Variants in ATP11A observed in about 807,000 individuals in gnomAD.
ATP11A encodes the protein phospholipid-transporting ATPase IH.
A neutral mutation model predicts 154.4 loss-of-function variants in ATP11A; 81 were observed. The observed-to-expected ratio is 0.52, with a 90% CI of 0.44 to 0.63. ATP11A has a LOEUF of 0.63. ATP11A is among the 30% of genes least tolerant of loss of function. The pLI is 0.00. For synonymous variants in ATP11A, 623 were observed against 585.9 expected (o/e 1.06, Z -0.91); for missense variants, 1,316 against 1,474.3 (o/e 0.89, Z 1.76).
At chr13:112,803,073 G>A (rs1346150628) in intron 2 of ATP11A, among the ~76,000 whole-genome samples, 2 of 152,206 alleles carry the variant, frequency 1.3e-5, no homozygotes, top group Admixed American at 1.3e-4. Flanking sequence ...GAACTGGGGG[G>A]AGCCACTACT....
intron 1 of ATP11A, among the ~76,000 whole-genome samples, chr13:112,741,295 G>GGGGGCAC (rs1891517910): frequency 6.6e-6 from 1 of 151,722 alleles, no homozygotes; most frequent in Non-Finnish European, 1.5e-5. Flanking sequence ...TGGGGCAGGA[G>GGGGGCAC]CTGTAGTCGG....
intron 5 of ATP11A, 147 bp downstream of exon 5, chr13:112,810,873 C>T (rs2078474381): frequency 1.5e-6 from 1 of 681,700 alleles, no homozygotes. Flanking sequence ...AGTCGGAGGC[C>T]ACTCAGGAGG....
intron 2 of ATP11A, among the ~76,000 whole-genome samples, chr13:112,792,844 A>G (rs575349953): frequency 6.6e-6 from 1 of 152,332 alleles, no homozygotes; most frequent in African/African-American, 2.4e-5. Context: ...CACAGAATTC[A>G]CATGGTTCCC....
chr13:112,714,155 C>T (rs1478747122), intron 1 of ATP11A, among the ~76,000 whole-genome samples: 2 of 79,680 alleles, frequency 2.5e-5, no homozygotes, highest in East Asian at 3.9e-4. Flanking sequence ...TCCCACCCGG[C>T]TTCCTTTCCT....
chr13:112,751,687 AAAC>A (rs1168410490), intron 1 of ATP11A, among the ~76,000 whole-genome samples: 1 of 151,904 alleles, frequency 6.6e-6, no homozygotes, highest in East Asian at 1.9e-4. Context: ...ACAAAAAAAA[AAAC>A]AGACATTGGC....
intron 5 of ATP11A, chr13:112,812,031 A>G (rs1258845716): frequency 1.3e-5 from 2 of 152,220 alleles, no homozygotes; most frequent in Non-Finnish European, 2.9e-5. Flanking sequence ...CACCTCAAAC[A>G]TTGATTCTTT....
chr13:112,842,334 A>G lies in ATP11A; in HGVS notation c.1764A>G (p.Glu588=). 6.2e-7 allele frequency: 1 copy of G among 1,611,938 alleles called. No homozygotes were observed. The highest frequency in any genetic ancestry group is 1.1e-5 in the South Asian group (1 of 90,404). ...CTTCGATATTCCCCCGAGTGATAGA[A>G]GGCAAAGTTGACCAGATCCGAGCCA... ...ADSSIFPRVI[E]GKVDQIRARV... is the part of the protein sequence containing the mutation. Residue 588 remains glutamate, a synonymous_variant, in exon 17 of 30, where the codon GAA becomes GAG. Coordinates refer to ENST00000375645, the MANE Select transcript of ATP11A (RefSeq NM_015205.3).
Position 112,834,656 on chromosome 13 carries a change from G to A in ATP11A, c.1627G>A (p.Glu543Lys), listed in dbSNP as rs759070102. 3.1e-6 allele frequency: 5 copies of A among 1,612,618 alleles called. No individual in the cohort carries two copies. The highest frequency in any genetic ancestry group is 1.1e-5 in the South Asian group (1 of 91,028). The change falls in exon 15 of 30, where the codon GAA (glutamate) becomes AAA (lysine). Residue 543 changes from glutamate to lysine, a missense_variant. Glu to Lys is a moderately conservative substitution (Grantham distance 56). Transcript: ENST00000375645. ...GATATTAAACAGGGAGAACCACATCGAAAGGTATGTGCAGACCTCACCCTC... is the reference window on the plus strand; with the variant it reads ...GATATTAAACAGGGAGAACCACATCAAAAGGTATGTGCAGACCTCACCCTC... ...MEILNRENHI[E>K]RFELLEILSF...
intron 13 of ATP11A, among the ~76,000 whole-genome samples, chr13:112,832,158 A>T (rs1384952747): frequency 6.6e-6 from 1 of 152,226 alleles, no homozygotes; most frequent in Non-Finnish European, 1.5e-5. Flanking sequence ...ATGCACTCTC[A>T]CACACGCCCC....
At chr13:112,701,012 G>A (rs1182657005) in intron 1 of ATP11A, among the ~76,000 whole-genome samples, 2 of 152,240 alleles carry the variant, frequency 1.3e-5, no homozygotes, top group African/African-American at 2.4e-5. Context: ...TGGCTCAGCT[G>A]CTGAGGGATC....
At chr13:112,765,848 G>T (rs1440913323) in intron 1 of ATP11A, among the ~76,000 whole-genome samples, 2 of 152,248 alleles carry the variant, frequency 1.3e-5, no homozygotes, top group East Asian at 1.9e-4. Flanking sequence ...ACGATTTTCT[G>T]TAACGACCTC....
intron 1 of ATP11A, among the ~76,000 whole-genome samples, chr13:112,694,175 G>T (rs182371621): frequency 6.6e-6 from 1 of 152,354 alleles, no homozygotes; most frequent in East Asian, 1.9e-4. Flanking sequence ...CCTTGGGCAA[G>T]TGGCTTAATT....
chr13:112,745,228 C>A (rs1192330593), intron 1 of ATP11A, among the ~76,000 whole-genome samples: 1 of 152,182 alleles, frequency 6.6e-6, no homozygotes, highest in Non-Finnish European at 1.5e-5. Flanking sequence ...CCACGCCTGG[C>A]TAATTTTTGT....
At chr13:112,765,781 T>G (rs2077061192) in intron 1 of ATP11A, among the ~76,000 whole-genome samples, 1 of 152,224 alleles carries the variant, frequency 6.6e-6, no homozygotes, top group African/African-American at 2.4e-5. Context: ...CTACAGTGGA[T>G]CTGAAAGATG....
rs1486085412 is a variant in ATP11A at position 112,885,773 on chromosome 13, G to A, written c.*3907G>A. ...TGAGGGGCCCCTGTGAGAGGCCTCTGGATGGGCATGGGAAGATGGGCTCCC... is the reference window on the plus strand; with the variant it reads ...TGAGGGGCCCCTGTGAGAGGCCTCTAGATGGGCATGGGAAGATGGGCTCCC... On this transcript the variant is annotated 3_prime_UTR_variant, in exon 30 of 30. Transcript: ENST00000375645. 6.6e-6 allele frequency: 1 copy of A among 152,400 alleles called. No homozygotes were observed. Among genetic ancestry groups the A allele is most frequent in the Non-Finnish European group, 1.5e-5 (1 of 68,154 alleles). 9.4% of individuals were successfully genotyped at this position (152,400 alleles called of 1,614,324 possible).
chr13:112,716,183 C>A (rs1310054814), intron 1 of ATP11A, among the ~76,000 whole-genome samples: 1 of 152,202 alleles, frequency 6.6e-6, no homozygotes, highest in Non-Finnish European at 1.5e-5. Context: ...AGACCTTTTG[C>A]CAGAGCTCCC....
chr13:112,862,196 A>T (rs1028866466), intron 24 of ATP11A, among the ~76,000 whole-genome samples: 1 of 152,268 alleles, frequency 6.6e-6, no homozygotes, highest in African/African-American at 2.4e-5. Context: ...GCCTATGACG[A>T]TATTGCAGTG....
Position 112,819,341 on chromosome 13 carries a change from C to T in ATP11A, c.608C>T (p.Thr203Ile), listed in dbSNP as rs769654141. 9 of 1,614,096 alleles carry T rather than the reference C, an allele frequency of 5.6e-6. No individual in the cohort carries two copies. The Admixed American group carries it at 1.2e-4, about 21-fold the overall frequency. The change falls in exon 7 of 30, where the codon ACA becomes ATA. Residue 203 changes from threonine to isoleucine, a missense_variant. Thr to Ile is a moderately conservative substitution (Grantham distance 89). Coordinates refer to ENST00000375645, the MANE Select transcript of ATP11A (RefSeq NM_015205.3). ...YAVQDTKGFH[T>I]EEDIGGLHAT... ...GTCCAGGACACCAAAGGCTTCCACA[C>T]AGAGGAGGATATCGGCGGACTTCAC... is the stretch of plus-strand genomic sequence containing the variant.
chr13:112,820,382 G>C (rs1450983698), intron 8 of ATP11A, among the ~76,000 whole-genome samples: 1 of 152,204 alleles, frequency 6.6e-6, no homozygotes, highest in Non-Finnish European at 1.5e-5. Flanking sequence ...TCATTCTGGG[G>C]TGCATTACTG....
Sources: allele counts gnomAD v4.1 joint callset (sites outside exome capture counted in the v4.1 genomes callset), GRCh38; gene constraint gnomAD v4.1.1; transcripts MANE v1.5; gene names NCBI Gene and HGNC (gene_info 2026-07-23, HGNC 2026-07-21).